The following RPS6KB1 variants were observed in gnomAD, a reference collection of about 807,000 sequenced individuals.
RPS6KB1 encodes ribosomal protein S6 kinase B1.
Under a neutral mutation model 70.2 loss-of-function variants are expected in RPS6KB1, and 12 were observed. The ratio of observed to expected loss-of-function variants is 0.17; its 90% CI spans 0.11 to 0.28. The LOEUF (loss-of-function observed/expected upper bound fraction) is 0.28. Among genes scored for constraint, RPS6KB1 ranks in the 10% least tolerant of loss-of-function variants. The pLI is 1.00. For missense variants in RPS6KB1, 270 were observed against 646.6 expected, an observed-to-expected ratio of 0.42 and a Z score of 6.32; for synonymous variants, 175 against 211.2, an observed-to-expected ratio of 0.83 and a Z score of 1.49.
Position 59,893,683 on chromosome 17 carries a change from C to T in RPS6KB1, c.141+358C>T, listed in dbSNP as rs2041293968. 1.4e-6 allele frequency: 1 copy of T among 732,584 alleles called. No homozygotes were observed. The highest frequency in any genetic ancestry group is 1.7e-6 in the Non-Finnish European group (1 of 579,480). 45.4% of individuals were successfully genotyped at this position (732,584 alleles called of 1,614,324 possible). On this transcript the variant is annotated intron_variant, in intron 1 of 14. Coordinates refer to ENST00000225577, the MANE Select transcript of RPS6KB1 (RefSeq NM_003161.4). This position sits in a 1 kb window ranked among gnomAD's most constrained non-coding sequence, Gnocchi z 4.1. ...ACGGGGGCTGCTCTTGCTGGGTGTC[C>T]CGTAAGTGCAGGCGAAGTGTGGAGG...
chr17:59,947,503 G>A lies in RPS6KB1; in HGVS notation c.*715G>A, dbSNP rs574295962. On this transcript the variant is annotated 3_prime_UTR_variant, in exon 15 of 15. Transcript: ENST00000225577. ...TTTGAGGGATTGGGGTGGACCTGGG[G>A]TTTATTTTCAGTAACCCAGCTGCAA... The A allele has an allele frequency of 3.4e-5, 52 of 1,512,452 alleles. No homozygotes were observed. In the South Asian group the frequency reaches 6.4e-4, roughly 19 times the overall value. 93.7% of individuals were successfully genotyped at this position (1,512,452 alleles called of 1,614,324 possible).
At chr17:59,919,680 C>T (rs1161238900) in intron 4 of RPS6KB1, among the ~76,000 whole-genome samples, 4 of 151,220 alleles carry the variant, frequency 2.6e-5, no homozygotes, top group Non-Finnish European at 5.9e-5. Flanking sequence ...TTTTTTGTCC[C>T]GGGGAATTTA....
At chr17:59,918,702 G>A (rs1158462030) in intron 4 of RPS6KB1, among the ~76,000 whole-genome samples, 1 of 151,756 alleles carries the variant, frequency 6.6e-6, no homozygotes, top group African/African-American at 2.4e-5. Context: ...TATTTGAAAT[G>A]TTCTTTTGTT....
At chr17:59,938,195 T>C (rs1327584087) in intron 12 of RPS6KB1, among the ~76,000 whole-genome samples, 1 of 126,082 alleles carries the variant, frequency 7.9e-6, no homozygotes, top group Admixed American at 8.8e-5. Flanking sequence ...GGGGGGGGGA[T>C]AGGGTCTTTC....
chr17:59,943,784 C>T (rs538759602), intron 13 of RPS6KB1, among the ~76,000 whole-genome samples: 85 of 150,620 alleles, frequency 5.6e-4, no homozygotes, highest in Non-Finnish European at 4.7e-4. Flanking sequence ...GCAGGAGAAT[C>T]GCTTGAACCC....
Position 59,934,572 on chromosome 17 carries a change from C to A in RPS6KB1, c.870+48C>A. ...CATGTATTATTGGTCTGTGCTGAGT[C>A]ACTATAGCAAGAGACCTGTCCTGTG... On this transcript the variant is annotated intron_variant, in intron 9 of 14. Transcript: ENST00000225577. This position sits in a 1 kb window ranked among gnomAD's most constrained non-coding sequence, Gnocchi z 4.8. The A allele has an allele frequency of 2.1e-6, 3 of 1,408,316 alleles. No homozygotes were observed. The highest frequency in any genetic ancestry group is 2.3e-5 in the South Asian group (2 of 85,364). The allele number at this position is 1,408,316 out of a possible 1,614,324, so 87.2% of individuals were successfully genotyped here.
chr17:59,911,323 T>G (rs1598701703), intron 2 of RPS6KB1, among the ~76,000 whole-genome samples: 2 of 152,154 alleles, frequency 1.3e-5, no homozygotes, highest in African/African-American at 2.4e-5. Flanking sequence ...GTAGAAAGCA[T>G]TTAAATGACA....
chr17:59,922,570 TTTTTTTG>T (rs2043334653), intron 4 of RPS6KB1, among the ~76,000 whole-genome samples: 1 of 141,948 alleles, frequency 7.0e-6, no homozygotes. Context: ...TTTTTTTTTT[TTTTTTTG>T]AGATGAAGTC....
intron 6 of RPS6KB1, chr17:59,930,550 A>G: frequency 5.3e-6 from 1 of 190,428 alleles, no homozygotes; most frequent in Non-Finnish European, 1.1e-5. Context: ...TTCTCAAGGT[A>G]CAGTCTTAGG....
chr17:59,917,138 A>C (rs1301991722), intron 4 of RPS6KB1, among the ~76,000 whole-genome samples: 1 of 152,086 alleles, frequency 6.6e-6, no homozygotes, highest in Non-Finnish European at 1.5e-5. Flanking sequence ...TTAGTTTTTG[A>C]GATAGGGTCT....
At chr17:59,899,942 A>G (rs907924439) in intron 1 of RPS6KB1, among the ~76,000 whole-genome samples, 2 of 152,060 alleles carry the variant, frequency 1.3e-5, no homozygotes, top group Non-Finnish European at 2.9e-5. Flanking sequence ...AGGTGGAAGG[A>G]TCATTTGAGG....
At chr17:59,924,004 T>C (rs749204406) in intron 4 of RPS6KB1, among the ~76,000 whole-genome samples, 1 of 152,204 alleles carries the variant, frequency 6.6e-6, no homozygotes, top group East Asian at 1.9e-4. Context: ...TGCTTACATA[T>C]AGGCCACTAA....
At chr17:59,931,792 A>G in intron 7 of RPS6KB1, 70 bp downstream of exon 7, 2 of 1,037,066 alleles carry the variant, frequency 1.9e-6, no homozygotes, top group Non-Finnish European at 1.5e-6. Context: ...GGTCGTGGCC[A>G]TTTTCAAAGC....
At chr17:59,899,745 C>A (rs183561830) in intron 1 of RPS6KB1, among the ~76,000 whole-genome samples, 2 of 152,150 alleles carry the variant, frequency 1.3e-5, no homozygotes, top group African/African-American at 2.4e-5. Flanking sequence ...CATCTCTTTG[C>A]CTGGGTATAA....
Position 59,934,762 on chromosome 17 carries a change from T to C in RPS6KB1, c.870+238T>C. On this transcript the variant is annotated intron_variant, in intron 9 of 14. Coordinates refer to ENST00000225577, the MANE Select transcript of RPS6KB1 (RefSeq NM_003161.4). The surrounding 1 kb of genome is among the most constrained non-coding windows in gnomAD (Gnocchi z 4.8). The stretch of plus-strand genomic sequence containing the variant: ...GCCTGTGAAATAGATGTTGAATAGA[T>C]AATGCCCTTATTTTATAAATGGAGA... 4.2e-6 allele frequency: 2 copies of C among 472,250 alleles called. No individual in the cohort carries two copies. The highest frequency in any genetic ancestry group is 3.7e-5 in the South Asian group (1 of 27,018). The allele number at this position is 472,250 out of a possible 1,614,324, so 29.3% of individuals were successfully genotyped here.
intron 12 of RPS6KB1, among the ~76,000 whole-genome samples, chr17:59,936,807 A>G (rs772951910): frequency 1.8e-4 from 27 of 152,182 alleles, no homozygotes; most frequent in Non-Finnish European, 3.5e-4. Context: ...GCAGACAGAA[A>G]CATTATTTTT....
At chr17:59,903,640 G>T (rs1470413237) in intron 1 of RPS6KB1, among the ~76,000 whole-genome samples, 1 of 152,048 alleles carries the variant, frequency 6.6e-6, no homozygotes, top group Non-Finnish European at 1.5e-5. Context: ...TTCCAACACG[G>T]TTGCACCATT....
Position 59,947,850 on chromosome 17 carries a change from ACT to A in RPS6KB1, c.*1067_*1068del, listed in dbSNP as rs2045018603. On this transcript the variant is annotated 3_prime_UTR_variant, in exon 15 of 15. Transcript: ENST00000225577. ...GGGGAAGAGGGTGTTGCTGTGGCCC[ACT>A]CTCTGTCTAATCTCTTTACAGCAAA... The A allele has an allele frequency of 1.9e-5, 8 of 431,058 alleles. No individual in the cohort carries two copies. Among genetic ancestry groups the A allele is most frequent in the Middle Eastern group, 5.9e-4 (1 of 1,690 alleles). The allele number at this position is 431,058 out of a possible 1,614,324, so 26.7% of individuals were successfully genotyped here. A position where few individuals can be genotyped will look rare whatever the true frequency, so the allele number is the denominator to read the frequency against.
At chr17:59,904,833 A>G (rs538398096) in intron 1 of RPS6KB1, among the ~76,000 whole-genome samples, 3 of 151,348 alleles carry the variant, frequency 2.0e-5, no homozygotes, top group Non-Finnish European at 2.9e-5. Flanking sequence ...AGTAGCTGGG[A>G]CTACAGGCAC....
Sources: gnomAD v4.1 joint callset for allele counts (sites outside exome capture counted in the v4.1 genomes callset) on GRCh38, gnomAD v4.1.1 for gene constraint, Gnocchi (gnomAD v3.1) non-coding constraint, MANE v1.5 for transcripts, NCBI Gene and HGNC (gene_info 2026-07-23, HGNC 2026-07-21) for gene names.